Variants in OLFM2 observed in about 807,000 individuals in gnomAD.
The protein encoded by OLFM2 is olfactomedin 2.
Under a neutral mutation model 43.9 loss-of-function variants are expected in OLFM2, and 20 were observed. The observed-to-expected ratio is 0.46, with a 90% CI of 0.32 to 0.66. OLFM2 has a LOEUF of 0.66. Among genes scored for constraint, OLFM2 ranks in the 30% least tolerant of loss-of-function variants. The probability of loss-of-function intolerance (pLI) is 0.04; values close to 1 mark genes in which losing one functional copy is unlikely to be tolerated. For synonymous variants in OLFM2, 268 were observed against 278.6 expected (o/e 0.96, Z 0.38); for missense variants, 416 against 643.6 (o/e 0.65, Z 3.83).
At chr19:9,885,114 T>C (rs1376235023) in intron 1 of OLFM2, among the ~76,000 whole-genome samples, 2 of 152,162 alleles carry the variant, frequency 1.3e-5, no homozygotes, top group African/African-American at 4.8e-5. Flanking sequence ...CGGCTTCTCT[T>C]TCTAGCTGTG....
Position 9,882,221 on chromosome 19 carries a change from C to G in OLFM2, c.64-21427G>C, listed in dbSNP as rs533196125. ...CGCCACTGCACTCCAGCCTGGGCAA[C>G]AGAGTGAGACCCTGTCTCAAAAAAG... is the stretch of plus-strand genomic sequence containing the variant. On this transcript the variant is annotated intron_variant, in intron 1 of 5. Coordinates refer to ENST00000264833, the MANE Select transcript of OLFM2 (RefSeq NM_058164.4). Among the ~76,000 whole-genome samples, 3 of 150,138 alleles carry G rather than the reference C, an allele frequency of 2.0e-5. No individual in the cohort carries two copies. The South Asian group carries it at 6.3e-4, about 32-fold the overall frequency.
chr19:9,901,004 A>AGGG (rs1568380577), intron 1 of OLFM2, among the ~76,000 whole-genome samples: 1 of 28,238 alleles, frequency 3.5e-5, no homozygotes, highest in East Asian at 1.5e-3. Flanking sequence ...GGGAGGGGGG[A>AGGG]GGGAGGGAAG....
At position 9,865,787 on chromosome 19, in the gene OLFM2, C is replaced by T. The variant is rs146264311; in HGVS notation, c.64-4993G>A. 7.5e-4 allele frequency among the ~76,000 whole-genome samples: 112 copies of T among 149,884 alleles called. 2 individuals are homozygous for T. The East Asian group carries it at 0.018, about 24-fold the overall frequency. ...GATTACAGGCATGAGCCACCGTGCC[C>T]GGCCCTCCCTTCTTGATAAATCTCA... On this transcript the variant is annotated intron_variant, in intron 1 of 5. Coordinates refer to ENST00000264833, the MANE Select transcript of OLFM2 (RefSeq NM_058164.4).
intron 2 of OLFM2, among the ~76,000 whole-genome samples, chr19:9,860,289 G>A (rs187242754): frequency 3.2e-4 from 49 of 152,100 alleles, no homozygotes; most frequent in Admixed American, 6.5e-4. Context: ...ACCAGCCTGG[G>A]CAACATAGGG....
chr19:9,865,788 G>A (rs529501789), intron 1 of OLFM2, among the ~76,000 whole-genome samples: 5 of 148,526 alleles, frequency 3.4e-5, no homozygotes, highest in East Asian at 2.0e-4. Flanking sequence ...CACCGTGCCC[G>A]GCCCTCCCTT....
intron 1 of OLFM2, among the ~76,000 whole-genome samples, chr19:9,927,209 G>C (rs1213172760): frequency 2.0e-5 from 3 of 151,662 alleles, no homozygotes; most frequent in African/African-American, 7.3e-5. Context: ...TTGAACCTGG[G>C]AGGGGAGGGT....
intron 1 of OLFM2, among the ~76,000 whole-genome samples, chr19:9,875,657 T>TTTG (rs34652517): frequency 0.97 from 146,380 of 150,470 alleles, 71,491 homozygotes; most frequent in Middle Eastern, 1. Context: ...CATCTGGTTG[T>TTTG]TTGTTGTTGT....
intron 1 of OLFM2, among the ~76,000 whole-genome samples, chr19:9,884,956 C>T (rs1049269733): frequency 2.6e-5 from 4 of 152,314 alleles, no homozygotes; most frequent in African/African-American, 9.6e-5. Context: ...CTCCCCAACA[C>T]CCTCTGTCTG....
chr19:9,913,665 C>G, intron 1 of OLFM2: 1 of 1,154,724 alleles, frequency 8.7e-7, no homozygotes, highest in Non-Finnish European at 1.1e-6. Flanking sequence ...CGTCCCTTCT[C>G]TGGCCCGCCG....
At chr19:9,899,809 T>A (rs972443037) in intron 1 of OLFM2, among the ~76,000 whole-genome samples, 3 of 151,682 alleles carry the variant, frequency 2.0e-5, no homozygotes, top group Non-Finnish European at 4.4e-5. Context: ...CACCTCAGCC[T>A]CCCAAAGTGC....
At chr19:9,885,826 G>A (rs1370532397) in intron 1 of OLFM2, among the ~76,000 whole-genome samples, 3 of 152,060 alleles carry the variant, frequency 2.0e-5, no homozygotes, top group Admixed American at 1.3e-4. Context: ...AGTCAGGCAC[G>A]GTGGCTCATG....
intron 1 of OLFM2, among the ~76,000 whole-genome samples, chr19:9,862,916 CGAGCCGAGGTTGCAGT>C (rs759157501): frequency 2.6e-5 from 1 of 38,820 alleles, no homozygotes; most frequent in Non-Finnish European, 7.4e-5. Context: ...GTGGGGGCAG[CGAGCCGAGGTTGCAGT>C]GAGCCGAGAT....
At chr19:9,934,149 G>A (rs1246552988) in intron 1 of OLFM2, among the ~76,000 whole-genome samples, 1 of 152,184 alleles carries the variant, frequency 6.6e-6, no homozygotes, top group Non-Finnish European at 1.5e-5. Flanking sequence ...CGAAGAGTGG[G>A]TAGAGCATCC....
intron 5 of OLFM2, among the ~76,000 whole-genome samples, 178 bp from the exon 6 acceptor site, chr19:9,855,041 G>A (rs531677034): frequency 2.3e-4 from 35 of 152,252 alleles, no homozygotes; most frequent in African/African-American, 7.7e-4. Context: ...CCTGGTGACA[G>A]CATTAACCAT....
chr19:9,903,283 G>C (rs1270444085), intron 1 of OLFM2, among the ~76,000 whole-genome samples: 2 of 152,190 alleles, frequency 1.3e-5, no homozygotes, highest in Non-Finnish European at 2.9e-5. Flanking sequence ...GCCAGCATGA[G>C]AGCCCATCAC....
Position 9,936,479 on chromosome 19 carries a change from G to T in OLFM2, c.-113C>A. The stretch of plus-strand genomic sequence containing the variant: ...CCGGCCGGGGCGACCCTGCGCCGCC[G>T]CCTCCCCCGCCTCGCCGGCGGCCGG... On this transcript the variant is annotated 5_prime_UTR_variant, in exon 1 of 6. Transcript: ENST00000264833. 4.1e-6 allele frequency: 3 copies of T among 731,664 alleles called. No individual in the cohort carries two copies. In the South Asian group the frequency reaches 1.8e-4, roughly 44 times the overall value. 45.3% of individuals were successfully genotyped at this position (731,664 alleles called of 1,614,324 possible).
At chr19:9,928,223 A>C (rs1255826820) in intron 1 of OLFM2, among the ~76,000 whole-genome samples, 1 of 151,972 alleles carries the variant, frequency 6.6e-6, no homozygotes, top group African/African-American at 2.4e-5. Flanking sequence ...AAAAAAAAAA[A>C]AACAAAATAA....
intron 1 of OLFM2, among the ~76,000 whole-genome samples, chr19:9,917,320 C>T (rs943614426): frequency 9.9e-5 from 15 of 152,066 alleles, no homozygotes; most frequent in African/African-American, 3.6e-4. Flanking sequence ...ACTACAGATG[C>T]GAGCCACCAT....
chr19:9,895,917 G>A (rs903096983), intron 1 of OLFM2, among the ~76,000 whole-genome samples: 3 of 151,892 alleles, frequency 2.0e-5, no homozygotes, highest in Admixed American at 6.6e-5. Context: ...ACTTTACAAC[G>A]CACGTGTGAT....
Sources: allele counts gnomAD v4.1 joint callset (sites outside exome capture counted in the v4.1 genomes callset), GRCh38; gene constraint gnomAD v4.1.1; transcripts MANE v1.5; gene names NCBI Gene and HGNC (gene_info 2026-07-23, HGNC 2026-07-21).